MSH3: variants seen among roughly 807,000 people sequenced by gnomAD.
MSH3 encodes DNA mismatch repair protein Msh3.
In MSH3, 106 loss-of-function variants were observed where a neutral mutation model predicts 123.3. The ratio of observed to expected loss-of-function variants is 0.86; its 90% CI spans 0.73 to 1.01. MSH3 has a LOEUF of 1.01. Ranked by LOEUF, MSH3 falls within the 50% of genes least tolerant of loss-of-function variation. The probability of loss-of-function intolerance (pLI) is 0.00; values close to 1 mark genes in which losing one functional copy is unlikely to be tolerated. For missense variants in MSH3, 1,459 were observed against 1,347.6 expected (o/e 1.08, Z -1.29); for synonymous variants, 515 against 481.4 (o/e 1.07, Z -0.91).
At chr5:80,694,005 C>T (rs940303330) in intron 8 of MSH3, among the ~76,000 whole-genome samples, 1 of 151,982 alleles carries the variant, frequency 6.6e-6, no homozygotes, top group Non-Finnish European at 1.5e-5. Flanking sequence ...ATGGAATTGG[C>T]ATATGGAGAG....
At chr5:80,774,401 T>A (rs1744263975) in intron 15 of MSH3, among the ~76,000 whole-genome samples, 1 of 132,740 alleles carries the variant, frequency 7.5e-6, no homozygotes. Context: ...AGTTTGGAGG[T>A]CCCTCAAAAA....
intron 12 of MSH3, among the ~76,000 whole-genome samples, chr5:80,752,937 G>A (rs2112874410): frequency 6.6e-6 from 1 of 152,114 alleles, no homozygotes; most frequent in Non-Finnish European, 1.5e-5. Flanking sequence ...TCCTGTTTAG[G>A]GGTTCAAACA....
chr5:80,873,731 C>T (rs1273317310), intron 23 of MSH3, among the ~76,000 whole-genome samples: 1 of 152,144 alleles, frequency 6.6e-6, no homozygotes, highest in Non-Finnish European at 1.5e-5. Flanking sequence ...TCAGTATCCA[C>T]ATGTCACTTA....
At chr5:80,762,522 G>A (rs949734776) in intron 13 of MSH3, among the ~76,000 whole-genome samples, 1 of 151,508 alleles carries the variant, frequency 6.6e-6, no homozygotes, top group Non-Finnish European at 1.5e-5. Flanking sequence ...TAACTTGCTA[G>A]TAACAGAATC....
chr5:80,668,960 G>A (rs527258573), intron 3 of MSH3, among the ~76,000 whole-genome samples: 2 of 152,332 alleles, frequency 1.3e-5, no homozygotes, highest in South Asian at 2.1e-4. Flanking sequence ...CCCTGGCTGC[G>A]CCTCTCCTAC....
At chr5:80,853,742 A>G (rs1745868726) in intron 20 of MSH3, among the ~76,000 whole-genome samples, 1 of 152,188 alleles carries the variant, frequency 6.6e-6, no homozygotes. Context: ...AAACACTGAA[A>G]AAAACCTTTA....
At chr5:80,691,841 A>G (rs1750263132) in intron 8 of MSH3, among the ~76,000 whole-genome samples, 1 of 147,438 alleles carries the variant, frequency 6.8e-6, no homozygotes, top group African/African-American at 2.5e-5. Flanking sequence ...ATAAATAAAC[A>G]TGTATATATT....
intron 8 of MSH3, among the ~76,000 whole-genome samples, chr5:80,713,833 A>G (rs528433436): frequency 7.9e-5 from 12 of 152,096 alleles, no homozygotes; most frequent in Middle Eastern, 3.4e-3. Context: ...ACCCCAGGAA[A>G]CCTGTTGAAA....
chr5:80,846,925 C>G (rs1231255152), intron 20 of MSH3, among the ~76,000 whole-genome samples: 1 of 152,182 alleles, frequency 6.6e-6, no homozygotes, highest in East Asian at 1.9e-4. Context: ...GCTGCACCCA[C>G]TGTCCAACCA....
At chr5:80,732,285 G>T (rs967193050) in intron 10 of MSH3, among the ~76,000 whole-genome samples, 4 of 152,174 alleles carry the variant, frequency 2.6e-5, no homozygotes, top group Admixed American at 2.6e-4. Flanking sequence ...TTTTTATTAA[G>T]ATTGGAGTGG....
chr5:80,824,015 AAGGTCAT>A (rs1176939645), intron 20 of MSH3, among the ~76,000 whole-genome samples: 2 of 152,228 alleles, frequency 1.3e-5, no homozygotes, highest in Non-Finnish European at 2.9e-5. Flanking sequence ...GGTTGGGGGC[AAGGTCAT>A]AGATCAACAG....
chr5:80,800,958 T>C (rs535669480), intron 19 of MSH3, among the ~76,000 whole-genome samples: 1 of 152,154 alleles, frequency 6.6e-6, no homozygotes, highest in Admixed American at 6.5e-5. Flanking sequence ...TCAAGGAAGG[T>C]GTGTCCTGGG....
Position 80,853,999 on chromosome 5 carries a change from A to T in MSH3, c.2814-131A>T. 1.1e-5 allele frequency: 8 copies of T among 733,638 alleles called. No homozygotes were observed. In the South Asian group the frequency reaches 1.4e-4, roughly 13 times the overall value. 45.4% of individuals were successfully genotyped at this position (733,638 alleles called of 1,614,324 possible). ...AACATGTTTTCTTTTGTTTAATTTA[A>T]TTTGAGCTATTATTGGCTCAAAATA... On this transcript the variant is annotated intron_variant, in intron 20 of 23. Coordinates refer to ENST00000265081, the MANE Select transcript of MSH3 (RefSeq NM_002439.5).
chr5:80,838,601 T>C (rs1745559700), intron 20 of MSH3, among the ~76,000 whole-genome samples: 1 of 152,216 alleles, frequency 6.6e-6, no homozygotes, highest in South Asian at 2.1e-4. Context: ...TTGAGTAAAC[T>C]TAATCTAATG....
rs763370550 is a variant in MSH3, at chr5:80,728,920, A to G, written c.1523A>G (p.Lys508Arg). 7.4e-6 allele frequency: 12 copies of G among 1,612,538 alleles called. No homozygotes were observed. The highest frequency in any genetic ancestry group is 9.3e-6 in the Non-Finnish European group (11 of 1,178,754). ...ATTTGCTCTTTGGCTGCCATCATAA[A>G]ATACCTCAAAGAATTCAACTTGGAA... Reference protein sequence around the residue: ...PVICSLAAIIKYLKEFNLEKM... With the variant: ...PVICSLAAIIRYLKEFNLEKM... Residue 508 changes from lysine (K) to arginine (R), a missense_variant, in exon 10 of 24, where the codon AAA (lysine) becomes AGA (arginine). Transcript: ENST00000265081.
chr5:80,701,942 C>CTTTTT (rs1750618207), intron 8 of MSH3, among the ~76,000 whole-genome samples: 1 of 152,004 alleles, frequency 6.6e-6, no homozygotes, highest in African/African-American at 2.4e-5. Context: ...CCTATGGAGG[C>CTTTTT]CTGGTATGGT....
At chr5:80,789,040 G>A (rs1744563858) in intron 18 of MSH3, among the ~76,000 whole-genome samples, 1 of 152,018 alleles carries the variant, frequency 6.6e-6, no homozygotes, top group African/African-American at 2.4e-5. Flanking sequence ...AATTTTGATA[G>A]CAACAGAATA....
In MSH3 at chr5:80,740,931, G is replaced by A. The variant is rs558493495; in HGVS notation, c.1569-533G>A. Among the ~76,000 whole-genome samples the A allele has an allele frequency of 4.2e-4, 63 of 151,488 alleles. 1 individual carries two copies. In the East Asian group the frequency reaches 8.9e-3, roughly 21 times the overall value. ...AGGTTTTGCCGTGTTGGCCAGGCTG[G>A]TTTCGAACTCCTCACCTCAGGTGAT... is the stretch of plus-strand genomic sequence containing the variant. On this transcript the variant is annotated intron_variant, in intron 10 of 23. Transcript: ENST00000265081.
At chr5:80,655,767 C>T (rs1375466122) in intron 1 of MSH3, among the ~76,000 whole-genome samples, 2 of 152,076 alleles carry the variant, frequency 1.3e-5, no homozygotes, top group African/African-American at 2.4e-5. Context: ...TTGTTCCTTT[C>T]GTATATATTT....
Sources: gnomAD v4.1 joint callset for allele counts (sites outside exome capture counted in the v4.1 genomes callset) on GRCh38, gnomAD v4.1.1 for gene constraint, MANE v1.5 for transcripts, NCBI Gene and HGNC (gene_info 2026-07-23, HGNC 2026-07-21) for gene names.